Variants in ASH1L observed in about 807,000 individuals in gnomAD.
ASH1L encodes histone-lysine N-methyltransferase ASH1L.
ASH1L carries 23 observed loss-of-function variants against 269.0 expected under a neutral mutation model. That is an observed-to-expected ratio of 0.09 (90% CI 0.06 to 0.12). The LOEUF is 0.12. Ranked by LOEUF, ASH1L falls within the 10% of genes least tolerant of loss-of-function variation. The probability of loss-of-function intolerance (pLI) is 1.00; values close to 1 mark genes in which losing one functional copy is unlikely to be tolerated. For missense variants in ASH1L, 2,912 were observed against 3,567.8 expected (o/e 0.82, Z 4.68); for synonymous variants, 1,187 against 1,253.5 (o/e 0.95, Z 1.12).
chr1:155,411,319 T>C (rs185347391), intron 6 of ASH1L, among the ~76,000 whole-genome samples: 1,879 of 151,960 alleles, frequency 0.012, 16 homozygotes, highest in Non-Finnish European at 0.02. Context: ...AACCATTTTC[T>C]TCCTACTTAT....
Position 155,370,854 on chromosome 1 carries a change from G to C in ASH1L, c.6462C>G (p.Ile2154Met), listed in dbSNP as rs893198885. ...RFRAEEKGWG[I>M]RTKEPLKAGQ... is the part of the protein sequence containing the mutation. ...CAGCTTTTAGGGGCTCTTTGGTTCT[G>C]ATTCCCCAACCTTTTTCCTCAGCTC... Residue 2154 changes from isoleucine to methionine, a missense_variant, in exon 11 of 28, where the codon ATC (isoleucine) becomes ATG (methionine). Around this residue, in one of 13 missense-constraint regions of ASH1L, gnomAD observed 193 missense variants for 311.6 expected, o/e 0.62. Transcript: ENST00000392403. The C allele has an allele frequency of 2.5e-6, 4 of 1,613,918 alleles. No individual in the cohort carries two copies. The African/African-American group carries it at 5.3e-5, about 22-fold the overall frequency.
Position 155,545,175 on chromosome 1 carries a change from CAAAAAAAAAAAAAAAAA to C in ASH1L, c.-100+16961_-100+16977del, listed in dbSNP as rs10624841. 8.6e-3 allele frequency among the ~76,000 whole-genome samples: 188 copies of C among 21,808 alleles called. 1 individual carries two copies. Among genetic ancestry groups the C allele is most frequent in the African/African-American group, 0.039 (183 of 4,664 alleles). 14.3% of individuals were successfully genotyped at this position (21,808 alleles called of 152,430 possible). A position where few individuals can be genotyped will look rare whatever the true frequency, so the allele number is the denominator to read the frequency against. ...CAAGAAGAGCAAAACTCCATCTCACCAAAAAAAAAAAAAAAAAAAAAAAAAAAAAAAAGCTATGTTTT... is the reference window on the plus strand; with the variant it reads ...CAAGAAGAGCAAAACTCCATCTCACCAAAAAAAAAAAAAAAGCTATGTTTT... On this transcript the variant is annotated intron_variant, in intron 1 of 27. Transcript: ENST00000392403.
At chr1:155,536,308 AG>A (rs1283089883) in intron 1 of ASH1L, among the ~76,000 whole-genome samples, 1 of 152,226 alleles carries the variant, frequency 6.6e-6, no homozygotes, top group East Asian at 1.9e-4. Flanking sequence ...AGGGCCTTGC[AG>A]ACTTATAAAG....
intron 2 of ASH1L, among the ~76,000 whole-genome samples, chr1:155,496,338 T>A (rs1050778534): frequency 6.6e-6 from 1 of 152,220 alleles, no homozygotes; most frequent in South Asian, 2.1e-4. Flanking sequence ...ATGTGATCTG[T>A]CATTGATCCA....
intron 2 of ASH1L, among the ~76,000 whole-genome samples, chr1:155,504,089 T>C (rs1470110299): frequency 6.6e-6 from 1 of 152,210 alleles, no homozygotes; most frequent in Non-Finnish European, 1.5e-5. Flanking sequence ...AAGGTAAACG[T>C]TATTAAGTAG....
At chr1:155,403,172 C>T (rs1486886957) in intron 6 of ASH1L, among the ~76,000 whole-genome samples, 3 of 150,876 alleles carry the variant, frequency 2.0e-5, no homozygotes, top group Non-Finnish European at 2.9e-5. Flanking sequence ...GTGACAAGAG[C>T]GAAACTCCAT....
chr1:155,361,860 G>A (rs1311184356), intron 12 of ASH1L, among the ~76,000 whole-genome samples: 2 of 133,956 alleles, frequency 1.5e-5, no homozygotes, highest in East Asian at 2.3e-4. Context: ...GCAACAGAGC[G>A]AGACTCCGTC....
chr1:155,374,340 A>G (rs752608034), intron 10 of ASH1L, among the ~76,000 whole-genome samples: 3 of 152,166 alleles, frequency 2.0e-5, no homozygotes, highest in Non-Finnish European at 4.4e-5. Context: ...GGAAAAAAAA[A>G]AGTGAAAAGT....
intron 5 of ASH1L, among the ~76,000 whole-genome samples, chr1:155,420,226 G>C (rs1045734723): frequency 6.6e-6 from 1 of 151,768 alleles, no homozygotes; most frequent in African/African-American, 2.4e-5. Flanking sequence ...TCAGGAAGCT[G>C]AGGCAGGAGA....
intron 1 of ASH1L, among the ~76,000 whole-genome samples, chr1:155,554,339 C>A (rs146240308): frequency 6.6e-6 from 1 of 151,902 alleles, no homozygotes; most frequent in African/African-American, 2.4e-5. Context: ...ATGGCACAAT[C>A]TCGGCTCACT....
intron 4 of ASH1L, among the ~76,000 whole-genome samples, chr1:155,446,222 C>T (rs1182590985): frequency 6.6e-6 from 1 of 150,712 alleles, no homozygotes; most frequent in East Asian, 1.9e-4. Flanking sequence ...ACATGTTTTT[C>T]TAAATTTATC....
chr1:155,353,533 C>A (rs1654105459), intron 16 of ASH1L, among the ~76,000 whole-genome samples: 1 of 152,148 alleles, frequency 6.6e-6, no homozygotes, highest in African/African-American at 2.4e-5. Flanking sequence ...ATCTTTTGAA[C>A]ACTCTGTTTT....
At position 155,339,255 on chromosome 1, in the gene ASH1L, T is replaced by C. The variant is rs954327379; in HGVS notation, c.8501+73A>G. On this transcript the variant is annotated intron_variant, in intron 26 of 27. Transcript: ENST00000392403. The stretch of plus-strand genomic sequence containing the variant: ...CCTAGAAGTGGAGCTGAGTGGGTAG[T>C]TGTTTGTTTTCTTGATCCATTCAAG... 4 of 1,367,862 alleles carry C rather than the reference T, an allele frequency of 2.9e-6. No homozygotes were observed. The African/African-American group carries it at 5.7e-5, about 20-fold the overall frequency. The allele number at this position is 1,367,862 out of a possible 1,614,324, so 84.7% of individuals were successfully genotyped here. A position where few individuals can be genotyped will look rare whatever the true frequency, so the allele number is the denominator to read the frequency against.
At chr1:155,517,326 C>G (rs1668561740) in intron 2 of ASH1L, among the ~76,000 whole-genome samples, 1 of 151,964 alleles carries the variant, frequency 6.6e-6, no homozygotes, top group Admixed American at 6.6e-5. Flanking sequence ...GAGCAAGACC[C>G]TCTCTCTTTA....
At chr1:155,369,244 C>G (rs1408631056) in intron 12 of ASH1L, among the ~76,000 whole-genome samples, 2 of 152,084 alleles carry the variant, frequency 1.3e-5, no homozygotes, top group Admixed American at 1.3e-4. Context: ...GAGATCGAGA[C>G]CATCCTGGCT....
chr1:155,461,802 GTTTT>G (rs398053426), intron 3 of ASH1L, among the ~76,000 whole-genome samples: 11 of 127,106 alleles, frequency 8.7e-5, no homozygotes, highest in African/African-American at 3.2e-4. Context: ...GGGTTTGAGG[GTTTT>G]TTTTTTTTTT....
intron 15 of ASH1L, 54 bp downstream of exon 15, chr1:155,357,262 G>T (rs913670556): frequency 1.4e-6 from 2 of 1,428,568 alleles, no homozygotes; most frequent in Non-Finnish European, 2.0e-6. Context: ...TTTTTACACA[G>T]ATAAGCAATC....
chr1:155,460,505 G>A (rs1362236788), intron 3 of ASH1L, among the ~76,000 whole-genome samples: 1 of 152,156 alleles, frequency 6.6e-6, no homozygotes, highest in Non-Finnish European at 1.5e-5. Flanking sequence ...CTACTCGAGA[G>A]GCTGAGGCAG....
rs749277093 is a variant in ASH1L, at chr1:155,481,980, A to G, written c.890T>C (p.Val297Ala). Residue 297 changes from valine (V) to alanine (A), a missense_variant, in exon 3 of 28, where the codon GTA becomes GCA. Transcript: ENST00000392403. The part of the protein sequence containing the change: ...PGKKPVFNAA[V>A]GLVNKDSVKK... ...CACAGAGTCCTTATTGACCAATCCTACTGCTGCATTAAACACTGGCTTTTT... is the reference window on the plus strand; with the variant it reads ...CACAGAGTCCTTATTGACCAATCCTGCTGCTGCATTAAACACTGGCTTTTT... 25 of 1,613,904 alleles carry G rather than the reference A, an allele frequency of 1.5e-5. No individual in the cohort carries two copies. In the South Asian group the frequency reaches 2.7e-4, roughly 18 times the overall value.
Sources: gnomAD v4.1 joint callset for allele counts (sites outside exome capture counted in the v4.1 genomes callset) on GRCh38, gnomAD v4.1.1 for gene constraint, gnomAD v4.1.1 regional missense constraint, MANE v1.5 for transcripts, NCBI Gene and HGNC (gene_info 2026-07-23, HGNC 2026-07-21) for gene names.